The following TOX variants were observed in gnomAD, a reference collection of about 807,000 sequenced individuals.
TOX encodes thymocyte selection associated high mobility group box.
TOX carries 11 observed loss-of-function variants against 53.7 expected under a neutral mutation model. That is an observed-to-expected ratio of 0.20 (90% CI 0.13 to 0.34). TOX has a LOEUF of 0.34. TOX is among the 10% of genes least tolerant of loss of function. The pLI is 1.00. For synonymous variants in TOX, 225 were observed against 245.3 expected (o/e 0.92, Z 0.77); for missense variants, 570 against 664.6 (o/e 0.86, Z 1.56).
chr8:58,961,413 TA>T (rs948974296), intron 1 of TOX, among the ~76,000 whole-genome samples: 3 of 152,132 alleles, frequency 2.0e-5, no homozygotes, highest in African/African-American at 7.2e-5. Flanking sequence ...TTAGAGCAAA[TA>T]AAAAATAGTA....
chr8:59,106,964 C>G (rs1466913919), intron 1 of TOX, among the ~76,000 whole-genome samples: 2 of 146,810 alleles, frequency 1.4e-5, no homozygotes, highest in Non-Finnish European at 1.5e-5. Context: ...GTAAAAAATC[C>G]TAACCTTTTC....
intron 1 of TOX, among the ~76,000 whole-genome samples, chr8:59,053,039 GATAATT>G (rs1803821260): frequency 1.3e-5 from 2 of 152,038 alleles, no homozygotes; most frequent in African/African-American, 4.8e-5. Context: ...TAAAACTAAT[GATAATT>G]ATTATTTTCT....
chr8:58,972,109 T>C (rs945899127), intron 1 of TOX, among the ~76,000 whole-genome samples: 1 of 152,176 alleles, frequency 6.6e-6, no homozygotes, highest in Non-Finnish European at 1.5e-5. Context: ...AAATGAAAAC[T>C]TTGTAGATCA....
chr8:59,105,710 A>T (rs1804888075), intron 1 of TOX, among the ~76,000 whole-genome samples: 3 of 152,208 alleles, frequency 2.0e-5, no homozygotes, highest in Admixed American at 2.0e-4. Flanking sequence ...CTCTAGTTAT[A>T]TTTAAAATGA....
chr8:59,080,647 G>C (rs1299499310), intron 1 of TOX, among the ~76,000 whole-genome samples: 7 of 152,076 alleles, frequency 4.6e-5, no homozygotes, highest in Non-Finnish European at 1.0e-4. Flanking sequence ...TGGATCATGG[G>C]GGCAGATTCC....
intron 3 of TOX, among the ~76,000 whole-genome samples, chr8:58,924,815 CCT>C (rs1418158777): frequency 1.3e-5 from 2 of 152,122 alleles, no homozygotes; most frequent in Non-Finnish European, 2.9e-5. Context: ...TTCCTATTTT[CCT>C]CTTTCTCTGG....
intron 1 of TOX, among the ~76,000 whole-genome samples, chr8:59,093,568 C>T (rs901163729): frequency 1.3e-5 from 2 of 152,154 alleles, no homozygotes; most frequent in Non-Finnish European, 1.5e-5. Flanking sequence ...ATATTTACAG[C>T]TATTGTTACA....
Position 58,992,766 on chromosome 8 carries a change from A to T in TOX, c.103-32758T>A, listed in dbSNP as rs532858524. On this transcript the variant is annotated intron_variant, in intron 1 of 8. Transcript: ENST00000361421. ...CAACTGTACAGAACTCTTGTCACTT[A>T]AACATTTTTCACATCAATTCTCTTC... is the stretch of plus-strand genomic sequence containing the variant. 5 of 152,342 alleles carry T rather than the reference A, an allele frequency of 3.3e-5. 1 individual carries two copies. In the South Asian group the frequency reaches 1.0e-3, roughly 32 times the overall value. The allele number at this position is 152,342 out of a possible 1,614,324, so 9.4% of individuals were successfully genotyped here.
At chr8:59,083,674 A>T (rs1366091523) in intron 1 of TOX, among the ~76,000 whole-genome samples, 2 of 152,106 alleles carry the variant, frequency 1.3e-5, no homozygotes, top group East Asian at 3.9e-4. Flanking sequence ...TGTAATAAAT[A>T]TTCTCTTGCC....
chr8:59,089,398 T>G (rs765295441), intron 1 of TOX, among the ~76,000 whole-genome samples: 2 of 152,192 alleles, frequency 1.3e-5, no homozygotes, highest in Non-Finnish European at 2.9e-5. Flanking sequence ...CTTTCAGCTC[T>G]TCAGTAATCT....
chr8:58,872,327 A>C (rs534244216), intron 3 of TOX, among the ~76,000 whole-genome samples: 1 of 152,282 alleles, frequency 6.6e-6, no homozygotes, highest in East Asian at 1.9e-4. Flanking sequence ...AGGAGAACAT[A>C]CAAGTCTCCA....
At chr8:59,025,621 G>C (rs1585971755) in intron 1 of TOX, among the ~76,000 whole-genome samples, 1 of 152,116 alleles carries the variant, frequency 6.6e-6, no homozygotes, top group South Asian at 2.1e-4. Flanking sequence ...AACATCCAGT[G>C]ATCTTCCCAC....
intron 2 of TOX, among the ~76,000 whole-genome samples, chr8:58,947,434 T>G (rs1039581323): frequency 6.6e-6 from 1 of 152,180 alleles, no homozygotes; most frequent in Non-Finnish European, 1.5e-5. Context: ...TTAAGAAAAT[T>G]TTCTCTCTTC....
At chr8:59,111,484 A>G (rs1377654852) in intron 1 of TOX, among the ~76,000 whole-genome samples, 1 of 152,078 alleles carries the variant, frequency 6.6e-6, no homozygotes, top group African/African-American at 2.4e-5. Flanking sequence ...CATTTAGGAT[A>G]AATCTTCATG....
At chr8:59,079,761 G>T (rs775548768) in intron 1 of TOX, among the ~76,000 whole-genome samples, 1 of 152,182 alleles carries the variant, frequency 6.6e-6, no homozygotes, top group Non-Finnish European at 1.5e-5. Flanking sequence ...AGTCCCAGCT[G>T]TGAGAAGAAA....
chr8:58,935,713 A>G (rs1812332099), intron 3 of TOX, among the ~76,000 whole-genome samples: 2 of 152,250 alleles, frequency 1.3e-5, no homozygotes, highest in South Asian at 2.1e-4. Flanking sequence ...CAATTGGCAA[A>G]CCAGTCCGTA....
chr8:59,090,359 T>C (rs1489120065), intron 1 of TOX, among the ~76,000 whole-genome samples: 1 of 152,200 alleles, frequency 6.6e-6, no homozygotes. Context: ...AGCCCTTTGG[T>C]AGAACTCATC....
intron 1 of TOX, among the ~76,000 whole-genome samples, chr8:59,038,069 A>T (rs970443501): frequency 1.3e-5 from 2 of 152,180 alleles, no homozygotes; most frequent in African/African-American, 4.8e-5. Flanking sequence ...TGACAGTGAC[A>T]CTAATTAAAT....
At chr8:59,073,288 T>C (rs565467053) in intron 1 of TOX, among the ~76,000 whole-genome samples, 22 of 152,232 alleles carry the variant, frequency 1.4e-4, no homozygotes, top group Admixed American at 6.5e-4. Context: ...CCAGGATTAA[T>C]GAAATTTGTT....
Sources: gnomAD v4.1 joint callset for allele counts (sites outside exome capture counted in the v4.1 genomes callset) on GRCh38, gnomAD v4.1.1 for gene constraint, MANE v1.5 for transcripts, NCBI Gene and HGNC (gene_info 2026-07-23, HGNC 2026-07-21) for gene names.